MRAP2: variants seen among roughly 807,000 people sequenced by gnomAD.
The protein encoded by MRAP2 is melanocortin 2 receptor accessory protein 2.
MRAP2 carries 20 observed loss-of-function variants against 17.4 expected under a neutral mutation model. That is an observed-to-expected ratio of 1.15 (90% CI 0.81 to 1.67). MRAP2 has a LOEUF of 1.67. Among genes scored for constraint, MRAP2 ranks in the 40% most tolerant of loss-of-function variants. The probability of loss-of-function intolerance (pLI) is 0.00; values close to 1 mark genes in which losing one functional copy is unlikely to be tolerated. For synonymous variants in MRAP2, 96 were observed against 88.4 expected (o/e 1.09, Z -0.48); for missense variants, 238 against 240.0 (o/e 0.99, Z 0.05).
chr6:84,112,094 G>T, the MRAP2 span, among the ~76,000 whole-genome samples: 2 of 152,120 alleles, frequency 1.3e-5, no homozygotes, highest in Non-Finnish European at 2.9e-5. Context: ...CCAGGTTTTG[G>T]TATCAGGATG....
At chr6:84,107,696 G>C in the MRAP2 span, among the ~76,000 whole-genome samples, 2 of 152,180 alleles carry the variant, frequency 1.3e-5, no homozygotes, top group Non-Finnish European at 2.9e-5. Flanking sequence ...ATATAATCCT[G>C]ATGTAGGACA....
chr6:84,120,679 A>C, the MRAP2 span, among the ~76,000 whole-genome samples: 1 of 152,330 alleles, frequency 6.6e-6, no homozygotes, highest in East Asian at 1.9e-4. Flanking sequence ...TGATGTTTGC[A>C]TGTCCCTGTG....
At chr6:84,081,480 C>G (rs959396624) in intron 3 of MRAP2, among the ~76,000 whole-genome samples, 2 of 152,178 alleles carry the variant, frequency 1.3e-5, no homozygotes, top group African/African-American at 2.4e-5. Context: ...CTGTGCTATT[C>G]TTGTGATAGT....
At chr6:84,059,787 T>C (rs1025010055) in intron 2 of MRAP2, among the ~76,000 whole-genome samples, 10 of 152,224 alleles carry the variant, frequency 6.6e-5, no homozygotes, top group African/African-American at 2.4e-4. Flanking sequence ...GGAAGGCTTC[T>C]TTTGACTTTC....
the MRAP2 span, among the ~76,000 whole-genome samples, chr6:84,132,404 G>T: frequency 6.6e-6 from 1 of 152,086 alleles, no homozygotes; most frequent in African/African-American, 2.4e-5. Flanking sequence ...TGCTAGGCTG[G>T]GGAAGTTCTC....
Position 84,033,820 on chromosome 6 carries a change from C to T in MRAP2, c.-71C>T. The T allele has an allele frequency of 1.0e-6, 1 of 981,602 alleles. No homozygotes were observed. The highest frequency in any genetic ancestry group is 1.2e-6 in the Non-Finnish European group (1 of 831,062). 60.8% of individuals were successfully genotyped at this position (981,602 alleles called of 1,614,324 possible). ...GAGGCGGCGGCGGCGGCGGCGCTCG[C>T]GCACCTCGGAGGAGCCAGGAGCCGG... On this transcript the variant is annotated 5_prime_UTR_variant, in exon 1 of 4. Coordinates refer to ENST00000257776, the MANE Select transcript of MRAP2 (RefSeq NM_138409.4).
At chr6:84,145,453 G>GT in the MRAP2 span, among the ~76,000 whole-genome samples, 1 of 152,008 alleles carries the variant, frequency 6.6e-6, no homozygotes, top group Admixed American at 6.6e-5. Flanking sequence ...TTTTGCCATT[G>GT]GTCTTATTGT....
At chr6:84,117,265 C>T in the MRAP2 span, among the ~76,000 whole-genome samples, 2 of 152,154 alleles carry the variant, frequency 1.3e-5, no homozygotes, top group South Asian at 2.1e-4. Context: ...ACATGTGATC[C>T]GTCCACCTTG....
At chr6:84,036,373 G>C (rs2099485973) in intron 1 of MRAP2, among the ~76,000 whole-genome samples, 1 of 152,188 alleles carries the variant, frequency 6.6e-6, no homozygotes, top group Non-Finnish European at 1.5e-5. Flanking sequence ...TGGTGTATCT[G>C]AAATTGGTGG....
chr6:84,056,866 T>C (rs1588634085), intron 2 of MRAP2, among the ~76,000 whole-genome samples: 1 of 152,330 alleles, frequency 6.6e-6, no homozygotes, highest in East Asian at 1.9e-4. Context: ...CAGAGACAAT[T>C]GAATAAAATA....
At chr6:84,100,052 G>A in the MRAP2 span, among the ~76,000 whole-genome samples, 3 of 151,984 alleles carry the variant, frequency 2.0e-5, no homozygotes, top group Admixed American at 1.3e-4. Context: ...TAGGGATGGG[G>A]TTTTGCCATG....
At chr6:84,064,130 C>T (rs900280498) in intron 3 of MRAP2, among the ~76,000 whole-genome samples, 1 of 151,476 alleles carries the variant, frequency 6.6e-6, no homozygotes, top group African/African-American at 2.4e-5. Flanking sequence ...CAGGCTCATG[C>T]AGGACAGCAG....
intron 3 of MRAP2, among the ~76,000 whole-genome samples, chr6:84,075,349 G>T (rs1562887259): frequency 6.6e-6 from 1 of 152,190 alleles, no homozygotes; most frequent in East Asian, 1.9e-4. Context: ...TGCAGAGGAA[G>T]AAAGACTGTT....
intron 3 of MRAP2, among the ~76,000 whole-genome samples, chr6:84,086,183 G>A (rs2099500399): frequency 6.6e-6 from 1 of 152,192 alleles, no homozygotes; most frequent in Admixed American, 6.5e-5. Context: ...TATAACTTAT[G>A]TGCATATTCT....
At chr6:84,100,199 G>A in the MRAP2 span, among the ~76,000 whole-genome samples, 1 of 151,920 alleles carries the variant, frequency 6.6e-6, no homozygotes, top group Non-Finnish European at 1.5e-5. Context: ...TTTTTGTTTT[G>A]ACTATTTGGC....
intron 3 of MRAP2, among the ~76,000 whole-genome samples, chr6:84,074,169 T>C (rs1297786840): frequency 2.0e-5 from 3 of 152,056 alleles, no homozygotes; most frequent in African/African-American, 7.3e-5. Flanking sequence ...ACCCTAAGCG[T>C]TATATCTACA....
At chr6:84,044,269 C>T (rs1006000221) in intron 1 of MRAP2, among the ~76,000 whole-genome samples, 4 of 152,204 alleles carry the variant, frequency 2.6e-5, no homozygotes, top group African/African-American at 9.6e-5. Flanking sequence ...TCACCGCCAC[C>T]TCCGCCTCCC....
At chr6:84,077,902 C>T (rs1482512786) in intron 3 of MRAP2, among the ~76,000 whole-genome samples, 1 of 152,116 alleles carries the variant, frequency 6.6e-6, no homozygotes, top group Non-Finnish European at 1.5e-5. Flanking sequence ...CTGTGCTGTC[C>T]AGTTAGATAG....
chr6:84,065,764 C>A (rs2225244), intron 3 of MRAP2, among the ~76,000 whole-genome samples: 50,752 of 151,952 alleles, frequency 0.33, 11,322 homozygotes, highest in African/African-American at 0.64. Flanking sequence ...CTTAGTTGAG[C>A]GTACCATTTA....
Sources: gnomAD v4.1 joint callset for allele counts (sites outside exome capture counted in the v4.1 genomes callset) on GRCh38, gnomAD v4.1.1 for gene constraint, MANE v1.5 for transcripts, NCBI Gene and HGNC (gene_info 2026-07-23, HGNC 2026-07-21) for gene names.